NET1: variants seen among roughly 807,000 people sequenced by gnomAD.
NET1 encodes neuroepithelial cell transforming 1.
In NET1, 42 loss-of-function variants were observed where a neutral mutation model predicts 61.1. The ratio of observed to expected loss-of-function variants is 0.69; its 90% CI spans 0.54 to 0.89. The LOEUF is 0.89. NET1 is among the 40% of genes least tolerant of loss of function. NET1 has a pLI of 0.00. For synonymous variants in NET1, 254 were observed against 281.8 expected (o/e 0.90, Z 0.99); for missense variants, 654 against 747.3 (o/e 0.88, Z 1.46).
chr10:5,454,116 C>T lies in NET1; in HGVS notation c.769-149C>T. The stretch of plus-strand genomic sequence containing the variant: ...TTTTGATGATTGCTAAAATGCTATT[C>T]AGCTTCCATTATTATCTGCCAGAAA... On this transcript the variant is annotated intron_variant, in intron 8 of 11. Transcript: ENST00000355029. The surrounding 1 kb of genome is among the most constrained non-coding windows in gnomAD (Gnocchi z 8.1). The T allele has an allele frequency of 1.2e-6, 1 of 822,166 alleles. No homozygotes were observed. Among genetic ancestry groups the T allele is most frequent in the Non-Finnish European group, 1.9e-6 (1 of 522,950 alleles). 50.9% of individuals were successfully genotyped at this position (822,166 alleles called of 1,614,324 possible). A position where few individuals can be genotyped will look rare whatever the true frequency, so the allele number is the denominator to read the frequency against.
Position 5,415,980 on chromosome 10 carries a change from T to C in NET1, c.128+3160T>C, listed in dbSNP as rs530856801. ...GAAATCACTGCTAAATCCATTGTTA[T>C]GAATCCTTTCCCCAGTGCTTTCTTC... On this transcript the variant is annotated intron_variant, in intron 1 of 11. Coordinates refer to ENST00000355029, the MANE Select transcript of NET1 (RefSeq NM_001047160.3). The surrounding 1 kb of genome is among the most constrained non-coding windows in gnomAD (Gnocchi z 4.7). 5.4e-4 allele frequency among the ~76,000 whole-genome samples: 83 copies of C among 152,364 alleles called. No individual in the cohort carries two copies. Among genetic ancestry groups the C allele is most frequent in the African/African-American group, 1.9e-3 (80 of 41,574 alleles).
intron 3 of NET1, among the ~76,000 whole-genome samples, chr10:5,433,250 T>TTTTG (rs1270310387): frequency 2.6e-5 from 4 of 152,190 alleles, no homozygotes; most frequent in African/African-American, 9.6e-5. Flanking sequence ...TTTCTAGTTT[T>TTTTG]TTTGTTTGTT....
rs2119164316 is a variant in NET1 at position 5,417,924 on chromosome 10, T to A, written c.128+5104T>A. ...TCTTTTGTCTATTGAAATGATCATG[T>A]GGTTGTTGTTATTACTGATGTGTTA... is the stretch of plus-strand genomic sequence containing the variant. On this transcript the variant is annotated intron_variant, in intron 1 of 11. Transcript: ENST00000355029. The surrounding 1 kb of genome is among the most constrained non-coding windows in gnomAD (Gnocchi z 5.5). 6.6e-6 allele frequency among the ~76,000 whole-genome samples: 1 copy of A among 152,292 alleles called. No homozygotes were observed. Among genetic ancestry groups the A allele is most frequent in the Non-Finnish European group, 1.5e-5 (1 of 68,022 alleles).
In NET1 at chr10:5,435,379, A is replaced by G. The variant is rs547557373; in HGVS notation, c.255+6150A>G. Among the ~76,000 whole-genome samples the G allele has an allele frequency of 4.6e-5, 7 of 152,282 alleles. No individual in the cohort carries two copies. The East Asian group carries it at 1.3e-3, about 29-fold the overall frequency. On this transcript the variant is annotated intron_variant, in intron 3 of 11. Transcript: ENST00000355029. This position sits in a 1 kb window ranked among gnomAD's most constrained non-coding sequence, Gnocchi z 5.0. ...TTTGCTTGGACTTACATCTAAATACAACAGTTTTTATGTAATAAGCTAAAC... is the reference window on the plus strand; with the variant it reads ...TTTGCTTGGACTTACATCTAAATACGACAGTTTTTATGTAATAAGCTAAAC...
chr10:5,413,084 G>A (rs1054469322), intron 1 of NET1, among the ~76,000 whole-genome samples: 17 of 151,710 alleles, frequency 1.1e-4, no homozygotes, highest in African/African-American at 3.6e-4. Flanking sequence ...ACAGGCTGGA[G>A]TGACAGTGTG....
At chr10:5,429,712 T>C (rs2119178966) in intron 3 of NET1, among the ~76,000 whole-genome samples, 1 of 152,352 alleles carries the variant, frequency 6.6e-6, no homozygotes, top group Non-Finnish European at 1.5e-5. Context: ...AGGCTTCAAG[T>C]ATGTGACATA....
In NET1 at chr10:5,424,029, T is replaced by C. The variant is rs142569120; in HGVS notation, c.129-2626T>C. Among the ~76,000 whole-genome samples the C allele has an allele frequency of 0.012, 1,791 of 152,346 alleles. 19 individuals are homozygous for C. Among genetic ancestry groups the C allele is most frequent in the Non-Finnish European group, 0.017 (1,178 of 68,010 alleles). On this transcript the variant is annotated intron_variant, in intron 1 of 11. Coordinates refer to ENST00000355029, the MANE Select transcript of NET1 (RefSeq NM_001047160.3). The surrounding 1 kb of genome is among the most constrained non-coding windows in gnomAD (Gnocchi z 6.1). The stretch of plus-strand genomic sequence containing the variant: ...GGAAATATTTTTCCAGTTAACCTTT[T>C]AAAAATTCTTAAGAACCATTTTTCT...
At position 5,452,402 on chromosome 10, in the gene NET1, G is replaced by A; in HGVS notation, c.408G>A (p.Gln136=). 1 of 1,613,998 alleles carries A rather than the reference G, an allele frequency of 6.2e-7. No homozygotes were observed. Among genetic ancestry groups the A allele is most frequent in the South Asian group, 1.1e-5 (1 of 91,068 alleles). ...ACCACAGATCCCCAGCCTCTGCCCA[G>A]AAGTTTTCTAGCAGGTCAACAGTCC... ...RGDHRSPASA[Q]KFSSRSTVPT... The change falls in exon 5 of 12, where the codon CAG becomes CAA. Residue 136 remains glutamine (Q), a synonymous_variant. Coordinates refer to ENST00000355029, the MANE Select transcript of NET1 (RefSeq NM_001047160.3). This position sits in a 1 kb window ranked among gnomAD's most constrained non-coding sequence, Gnocchi z 4.0.
In NET1 at chr10:5,424,436, C is replaced by A. The variant is rs1016548138; in HGVS notation, c.129-2219C>A. The stretch of plus-strand genomic sequence containing the variant: ...TTACCATTTGTTTATGATAGTAATC[C>A]TATGTATTTCTTGATACAAATTATA... On this transcript the variant is annotated intron_variant, in intron 1 of 11. Coordinates refer to ENST00000355029, the MANE Select transcript of NET1 (RefSeq NM_001047160.3). The surrounding 1 kb of genome is among the most constrained non-coding windows in gnomAD (Gnocchi z 6.1). Among the ~76,000 whole-genome samples, 1 of 152,140 alleles carries A rather than the reference C, an allele frequency of 6.6e-6. No individual in the cohort carries two copies. The highest frequency in any genetic ancestry group is 1.9e-4 in the East Asian group (1 of 5,184).
rs948430462 is a variant in NET1 at position 5,446,886 on chromosome 10, A to G, written c.256-4944A>G. The G allele has an allele frequency of 4.4e-6, 7 of 1,573,978 alleles. No individual in the cohort carries two copies. The African/African-American group carries it at 8.1e-5, about 18-fold the overall frequency. On this transcript the variant is annotated intron_variant, in intron 3 of 11. Transcript: ENST00000355029. This position sits in a 1 kb window ranked among gnomAD's most constrained non-coding sequence, Gnocchi z 5.0. The stretch of plus-strand genomic sequence containing the variant: ...AAGACTTTAAGAGAAACGTTAGGCA[A>G]AAGGAATGTTTTCTAACTCCACGGA...
rs1287710824 is a variant in NET1, at chr10:5,422,114, G to T, written c.129-4541G>T. ...TCCCAGCACTTTGGGAGGCCGAGGC[G>T]GGTGGATCACCTGAGGTCAGGAGTT... On this transcript the variant is annotated intron_variant, in intron 1 of 11. Coordinates refer to ENST00000355029, the MANE Select transcript of NET1 (RefSeq NM_001047160.3). This position sits in a 1 kb window ranked among gnomAD's most constrained non-coding sequence, Gnocchi z 4.1. Among the ~76,000 whole-genome samples, 1 of 152,166 alleles carries T rather than the reference G, an allele frequency of 6.6e-6. No homozygotes were observed. Among genetic ancestry groups the T allele is most frequent in the African/African-American group, 2.4e-5 (1 of 41,432 alleles).
rs571388936 is a variant in NET1 at position 5,420,796 on chromosome 10, A to T, written c.129-5859A>T. ...TTTTTAGTAGAGACGGGGTTTCACC[A>T]TGTTGGCCAGGATGGTTTTGATCTC... On this transcript the variant is annotated intron_variant, in intron 1 of 11. Transcript: ENST00000355029. This position sits in a 1 kb window ranked among gnomAD's most constrained non-coding sequence, Gnocchi z 5.3. Among the ~76,000 whole-genome samples, 1 of 151,986 alleles carries T rather than the reference A, an allele frequency of 6.6e-6. No homozygotes were observed. The highest frequency in any genetic ancestry group is 2.1e-4 in the South Asian group (1 of 4,812).
chr10:5,418,225 A>T (rs1266506240), intron 1 of NET1, among the ~76,000 whole-genome samples: 5 of 152,024 alleles, frequency 3.3e-5, no homozygotes, highest in Non-Finnish European at 7.4e-5. Flanking sequence ...TTTGTGAAGA[A>T]TTGGTATTCT....
Position 5,446,552 on chromosome 10 carries a change from G to A in NET1, c.256-5278G>A, listed in dbSNP as rs1298435622. 4 of 1,154,286 alleles carry A rather than the reference G, an allele frequency of 3.5e-6. No homozygotes were observed. The highest frequency in any genetic ancestry group is 4.3e-6 in the Non-Finnish European group (4 of 939,072). 71.5% of individuals were successfully genotyped at this position (1,154,286 alleles called of 1,614,324 possible). A position where few individuals can be genotyped will look rare whatever the true frequency, so the allele number is the denominator to read the frequency against. On this transcript the variant is annotated intron_variant, in intron 3 of 11. Coordinates refer to ENST00000355029, the MANE Select transcript of NET1 (RefSeq NM_001047160.3). This position sits in a 1 kb window ranked among gnomAD's most constrained non-coding sequence, Gnocchi z 5.0. Reference sequence around the variant, plus strand: ...TGGTGGACCCCGCCCCCAGGGCCCGGTTGGCTGTGGCCCCGCCCCCGAGCC... The same window carrying A: ...TGGTGGACCCCGCCCCCAGGGCCCGATTGGCTGTGGCCCCGCCCCCGAGCC...
Position 5,412,655 on chromosome 10 carries a change from C to A in NET1, c.-38C>A. ...ATCGTGCCCGTCCCTGCCGGTCTCC[C>A]GGGCACCCGGCCACCGCCCCACCCC... On this transcript the variant is annotated 5_prime_UTR_variant, in exon 1 of 12. Transcript: ENST00000355029. This position sits in a 1 kb window ranked among gnomAD's most constrained non-coding sequence, Gnocchi z 6.5. The A allele has an allele frequency of 1.4e-6, 2 of 1,451,476 alleles. No homozygotes were observed. The highest frequency in any genetic ancestry group is 9.0e-7 in the Non-Finnish European group (1 of 1,113,710). 89.9% of individuals were successfully genotyped at this position (1,451,476 alleles called of 1,614,324 possible). A position where few individuals can be genotyped will look rare whatever the true frequency, so the allele number is the denominator to read the frequency against.
chr10:5,440,904 T>C lies in NET1; in HGVS notation c.256-10926T>C, dbSNP rs1832515846. Among the ~76,000 whole-genome samples the C allele has an allele frequency of 6.6e-6, 1 of 152,182 alleles. No individual in the cohort carries two copies. ...GTCTGTTTCAGAGTCCCATCCTGTG[T>C]TTCTGATCTCTAGGACCAATCTCAG... On this transcript the variant is annotated intron_variant, in intron 3 of 11. Coordinates refer to ENST00000355029, the MANE Select transcript of NET1 (RefSeq NM_001047160.3). The surrounding 1 kb of genome is among the most constrained non-coding windows in gnomAD (Gnocchi z 4.1).
At position 5,422,522 on chromosome 10, in the gene NET1, T is replaced by C. The variant is rs557193333; in HGVS notation, c.129-4133T>C. On this transcript the variant is annotated intron_variant, in intron 1 of 11. Coordinates refer to ENST00000355029, the MANE Select transcript of NET1 (RefSeq NM_001047160.3). This position sits in a 1 kb window ranked among gnomAD's most constrained non-coding sequence, Gnocchi z 4.1. ...CAGAATTTCTCTTTCCTTCTGTTACTTGCTGTTGTCATTATCCCCTGTTCC... is the reference window on the plus strand; with the variant it reads ...CAGAATTTCTCTTTCCTTCTGTTACCTGCTGTTGTCATTATCCCCTGTTCC... 5.3e-4 allele frequency among the ~76,000 whole-genome samples: 81 copies of C among 152,330 alleles called. No homozygotes were observed. In the Middle Eastern group the frequency reaches 0.024, roughly 45 times the overall value.
In NET1 at chr10:5,452,909, C is replaced by T. The variant is rs796052153; in HGVS notation, c.583C>T (p.Leu195Phe). The T allele has an allele frequency of 6.2e-7, 1 of 1,610,576 alleles. No individual in the cohort carries two copies. Among genetic ancestry groups the T allele is most frequent in the Non-Finnish European group, 8.5e-7 (1 of 1,177,228 alleles). ...GEQDLIEDLKLARKAYHDPML... is the reference protein window; with the variant it reads ...GEQDLIEDLKFARKAYHDPML... ...ACAGGATTTAATTGAGGATCTCAAA[C>T]TTGCAAGAAAGGTCAGTAAATAACT... Residue 195 changes from leucine to phenylalanine, a missense_variant, in exon 6 of 12, where the codon CTT (leucine) becomes TTT (phenylalanine). By Grantham distance (22) the Leu-to-Phe change is conservative. Transcript: ENST00000355029. This position sits in a 1 kb window ranked among gnomAD's most constrained non-coding sequence, Gnocchi z 4.0.
chr10:5,457,183 CTTT>C lies in NET1; in HGVS notation c.*197_*199del. The C allele has an allele frequency of 2.8e-6, 1 of 355,436 alleles. No homozygotes were observed. The highest frequency in any genetic ancestry group is 4.9e-6 in the Non-Finnish European group (1 of 205,756). The allele number at this position is 355,436 out of a possible 1,614,324, so 22.0% of individuals were successfully genotyped here. On this transcript the variant is annotated 3_prime_UTR_variant, in exon 12 of 12. Transcript: ENST00000355029. This position sits in a 1 kb window ranked among gnomAD's most constrained non-coding sequence, Gnocchi z 5.4. ...TACAGATTACTGTTAAATTGCAGTC[CTTT>C]TTTTTTTAAAGATATTTTCTTGAAT...
Sources: gnomAD v4.1 joint callset for allele counts (sites outside exome capture counted in the v4.1 genomes callset) on GRCh38, gnomAD v4.1.1 for gene constraint, Gnocchi (gnomAD v3.1) non-coding constraint, MANE v1.5 for transcripts, NCBI Gene and HGNC (gene_info 2026-07-23, HGNC 2026-07-21) for gene names.